The following CAMK4 variants were observed in gnomAD, a reference collection of about 807,000 sequenced individuals.
CAMK4 encodes calcium/calmodulin dependent protein kinase IV.
A neutral mutation model predicts 44.9 loss-of-function variants in CAMK4; 22 were observed. The observed-to-expected ratio is 0.49, with a 90% CI of 0.35 to 0.70. The LOEUF (loss-of-function observed/expected upper bound fraction) is 0.70. Among genes scored for constraint, CAMK4 ranks in the 30% least tolerant of loss-of-function variants. The probability of loss-of-function intolerance (pLI) is 0.01; values close to 1 mark genes in which losing one functional copy is unlikely to be tolerated. For synonymous variants in CAMK4, 218 were observed against 215.4 expected, an observed-to-expected ratio of 1.01 and a Z score of -0.11; for missense variants, 498 against 586.8, an observed-to-expected ratio of 0.85 and a Z score of 1.56.
chr5:111,482,479 T>C lies in CAMK4; in HGVS notation c.829-306T>C, dbSNP rs1163030184. 4.6e-6 allele frequency: 1 copy of C among 215,928 alleles called. No homozygotes were observed. Among genetic ancestry groups the C allele is most frequent in the Non-Finnish European group, 9.0e-6 (1 of 110,668 alleles). The allele number at this position is 215,928 out of a possible 1,614,324, so 13.4% of individuals were successfully genotyped here. The stretch of plus-strand genomic sequence containing the variant: ...CGCAGCCCAGAATTATTTTGCTGGT[T>C]CTGCCTTCAAAGAACTTCCAGTCCA... On this transcript the variant is annotated intron_variant, in intron 9 of 10. Coordinates refer to ENST00000282356, the MANE Select transcript of CAMK4 (RefSeq NM_001744.6). The surrounding 1 kb of genome is among the most constrained non-coding windows in gnomAD (Gnocchi z 4.9).
intron 1 of CAMK4, among the ~76,000 whole-genome samples, chr5:111,242,640 G>T (rs184408390): frequency 2.0e-5 from 3 of 152,130 alleles, no homozygotes; most frequent in Non-Finnish European, 4.4e-5. Context: ...CATCCAGGAT[G>T]TGAAAGTCCT....
rs972332522 is a variant in CAMK4 at position 111,488,325 on chromosome 5, G to T, written c.*3859G>T. 6.6e-6 allele frequency: 1 copy of T among 152,108 alleles called. No homozygotes were observed. Among genetic ancestry groups the T allele is most frequent in the Non-Finnish European group, 1.5e-5 (1 of 68,008 alleles). The allele number at this position is 152,108 out of a possible 1,614,324, so 9.4% of individuals were successfully genotyped here. A position where few individuals can be genotyped will look rare whatever the true frequency, so the allele number is the denominator to read the frequency against. ...CATTTTTTAAGATTTCCTTAGAAGG[G>T]TTTAATCAACACTGCCATTACACAT... On this transcript the variant is annotated 3_prime_UTR_variant, in exon 11 of 11. Transcript: ENST00000282356.
chr5:111,335,382 C>T (rs1460749674), intron 1 of CAMK4, among the ~76,000 whole-genome samples: 1 of 151,322 alleles, frequency 6.6e-6, no homozygotes, highest in Non-Finnish European at 1.5e-5. Flanking sequence ...GTATTTGGCC[C>T]TTTGAATCCA....
intron 5 of CAMK4, among the ~76,000 whole-genome samples, chr5:111,436,783 C>A (rs563686952): frequency 6.6e-6 from 1 of 152,308 alleles, no homozygotes; most frequent in African/African-American, 2.4e-5. Flanking sequence ...CTGACCAGTA[C>A]AATTTATGAA....
chr5:111,417,078 T>C (rs1752841141), intron 5 of CAMK4, among the ~76,000 whole-genome samples: 1 of 152,204 alleles, frequency 6.6e-6, no homozygotes. Context: ...TTGTTTATTT[T>C]AGAGGCACAG....
chr5:111,280,899 G>A (rs557803589), intron 1 of CAMK4, among the ~76,000 whole-genome samples: 12 of 152,346 alleles, frequency 7.9e-5, no homozygotes, highest in African/African-American at 2.9e-4. Flanking sequence ...TGGTTGGATG[G>A]TTGCTATGAT....
chr5:111,469,987 C>T (rs1755005120), intron 7 of CAMK4, among the ~76,000 whole-genome samples: 2 of 152,182 alleles, frequency 1.3e-5, no homozygotes, highest in Non-Finnish European at 2.9e-5. Flanking sequence ...GATAGCATTT[C>T]AGACTGAATA....
intron 5 of CAMK4, among the ~76,000 whole-genome samples, chr5:111,407,807 G>T (rs2112888611): frequency 6.6e-6 from 1 of 152,232 alleles, no homozygotes; most frequent in Admixed American, 6.5e-5. Flanking sequence ...TCTACCTACT[G>T]CAGGCCACAA....
intron 9 of CAMK4, among the ~76,000 whole-genome samples, chr5:111,481,550 A>G (rs751878023): frequency 1.3e-5 from 2 of 152,264 alleles, no homozygotes; most frequent in Non-Finnish European, 2.9e-5. Context: ...TCCTTAGCCT[A>G]TGTTCACGTC....
chr5:111,346,459 C>G (rs1190378509), intron 2 of CAMK4, among the ~76,000 whole-genome samples: 1 of 146,052 alleles, frequency 6.8e-6, no homozygotes, highest in East Asian at 2.0e-4. Context: ...ATGACTAGCC[C>G]TAAGCCCAAG....
chr5:111,298,909 G>C (rs1270800194), intron 1 of CAMK4, among the ~76,000 whole-genome samples: 1 of 152,254 alleles, frequency 6.6e-6, no homozygotes, highest in Non-Finnish European at 1.5e-5. Flanking sequence ...TCTAATGAGA[G>C]ATTAAGGCAG....
chr5:111,407,439 A>G (rs1366874102), intron 5 of CAMK4, among the ~76,000 whole-genome samples: 4 of 152,108 alleles, frequency 2.6e-5, no homozygotes, highest in African/African-American at 9.7e-5. Context: ...AGGTCCAGAA[A>G]GGCATGCACT....
chr5:111,476,887 C>T (rs2112493640), intron 8 of CAMK4, among the ~76,000 whole-genome samples: 1 of 152,266 alleles, frequency 6.6e-6, no homozygotes, highest in Middle Eastern at 3.4e-3. Context: ...AGCAAAAAGT[C>T]ACTGATAGGA....
At chr5:111,467,933 G>GCC (rs1754902501) in intron 7 of CAMK4, among the ~76,000 whole-genome samples, 1 of 47,882 alleles carries the variant, frequency 2.1e-5, no homozygotes, top group Non-Finnish European at 4.4e-5. Context: ...TAAAGAAATT[G>GCC]TCACACACAC....
At chr5:111,447,557 A>G (rs553943353) in intron 6 of CAMK4, among the ~76,000 whole-genome samples, 24 of 152,340 alleles carry the variant, frequency 1.6e-4, no homozygotes, top group African/African-American at 5.1e-4. Flanking sequence ...AGCACTTTAG[A>G]AAAAAATAAA....
At chr5:111,385,870 C>T (rs188902976) in intron 4 of CAMK4, among the ~76,000 whole-genome samples, 13 of 152,212 alleles carry the variant, frequency 8.5e-5, no homozygotes, top group East Asian at 1.9e-4. Context: ...CCACCACGCC[C>T]GGCTGCAATA....
intron 5 of CAMK4, among the ~76,000 whole-genome samples, chr5:111,431,113 A>G (rs1478098021): frequency 1.3e-5 from 2 of 152,056 alleles, no homozygotes; most frequent in Non-Finnish European, 2.9e-5. Flanking sequence ...CAAACCAGCT[A>G]TAGTGACCAA....
At position 111,444,878 on chromosome 5, in the gene CAMK4, G is replaced by C. The variant is rs148614652; in HGVS notation, c.460-1808G>C. On this transcript the variant is annotated intron_variant, in intron 5 of 10. Coordinates refer to ENST00000282356, the MANE Select transcript of CAMK4 (RefSeq NM_001744.6). ...GACCGAGAAGCTCAACTATGCTAGT[G>C]AACAGAGAAAGGCAAATTAAACCAA... Among the ~76,000 whole-genome samples, 381 of 152,240 alleles carry C rather than the reference G, an allele frequency of 2.5e-3. 2 individuals are homozygous for C. Among genetic ancestry groups the C allele is most frequent in the African/African-American group, 8.4e-3 (349 of 41,540 alleles).
rs1016641144 is a variant in CAMK4 at position 111,488,588 on chromosome 5, G to C, written c.*4122G>C. ...CCTACAGGCTGAAGATTTGGAGAGA[G>C]CCATTTTGTTTCATAAATCAGTTTT... On this transcript the variant is annotated 3_prime_UTR_variant, in exon 11 of 11. Coordinates refer to ENST00000282356, the MANE Select transcript of CAMK4 (RefSeq NM_001744.6). 6.6e-5 allele frequency: 10 copies of C among 152,218 alleles called. No individual in the cohort carries two copies. The highest frequency in any genetic ancestry group is 2.4e-4 in the African/African-American group (10 of 41,450). The allele number at this position is 152,218 out of a possible 1,614,324, so 9.4% of individuals were successfully genotyped here. A position where few individuals can be genotyped will look rare whatever the true frequency, so the allele number is the denominator to read the frequency against.
Sources: allele counts gnomAD v4.1 joint callset (sites outside exome capture counted in the v4.1 genomes callset), GRCh38; gene constraint gnomAD v4.1.1; non-coding constraint Gnocchi (gnomAD v3.1); transcripts MANE v1.5; gene names NCBI Gene and HGNC (gene_info 2026-07-23, HGNC 2026-07-21).